The following SREK1IP1 variants were observed in gnomAD, a reference collection of about 807,000 sequenced individuals.
SREK1IP1 encodes protein SREK1IP1.
Under a neutral mutation model 22.8 loss-of-function variants are expected in SREK1IP1, and 12 were observed. The observed-to-expected ratio is 0.53, with a 90% CI of 0.34 to 0.85. SREK1IP1 has a LOEUF of 0.85. Ranked by LOEUF, SREK1IP1 falls within the 40% of genes least tolerant of loss-of-function variation. The pLI, the probability that SREK1IP1 is intolerant of heterozygous loss-of-function variation, is 0.02. For missense variants in SREK1IP1, 147 were observed against 171.8 expected (o/e 0.86, Z 0.81); for synonymous variants, 53 against 52.7 (o/e 1.01, Z -0.02).
At position 64,722,379 on chromosome 5, in the gene SREK1IP1, T is replaced by G. The variant is rs1045796728; in HGVS notation, c.*2005A>C. The G allele has an allele frequency of 6.6e-6, 1 of 152,214 alleles. No homozygotes were observed. Among genetic ancestry groups the G allele is most frequent in the East Asian group, 1.9e-4 (1 of 5,200 alleles). 9.4% of individuals were successfully genotyped at this position (152,214 alleles called of 1,614,324 possible). A position where few individuals can be genotyped will look rare whatever the true frequency, so the allele number is the denominator to read the frequency against. ...TAAAACTTACAAGTAATTAACTATT[T>G]CACTACAATTACTATCATTTTTAAC... On this transcript the variant is annotated 3_prime_UTR_variant, in exon 5 of 5. Coordinates refer to ENST00000513458, the MANE Select transcript of SREK1IP1 (RefSeq NM_173829.4).
intron 1 of SREK1IP1, among the ~76,000 whole-genome samples, chr5:64,757,238 T>G (rs569107313): frequency 1.3e-5 from 2 of 152,238 alleles, no homozygotes; most frequent in South Asian, 2.1e-4. Context: ...CTCTACAAAT[T>G]CTTTGTTTTA....
At chr5:64,749,827 A>G (rs1365764771) in intron 2 of SREK1IP1, among the ~76,000 whole-genome samples, 1 of 151,952 alleles carries the variant, frequency 6.6e-6, no homozygotes, top group East Asian at 1.9e-4. Context: ...GTCTTTTTCG[A>G]TAGATTCTTA....
At chr5:64,747,228 C>T (rs1742653319) in intron 2 of SREK1IP1, among the ~76,000 whole-genome samples, 1 of 152,168 alleles carries the variant, frequency 6.6e-6, no homozygotes, top group Non-Finnish European at 1.5e-5. Context: ...TAAATTCAAT[C>T]TCTAGCTCCT....
rs938118408 is a variant in SREK1IP1, at chr5:64,723,363, T to C, written c.*1021A>G. On this transcript the variant is annotated 3_prime_UTR_variant, in exon 5 of 5. Coordinates refer to ENST00000513458, the MANE Select transcript of SREK1IP1 (RefSeq NM_173829.4). ...AGAGAGAAACATCCCAAACTGGTCA[T>C]TTATGAAAACGTTAAGTTCAGTGTG... 4.0e-5 allele frequency: 6 copies of C among 149,502 alleles called. No homozygotes were observed. Among genetic ancestry groups the C allele is most frequent in the Non-Finnish European group, 5.9e-5 (4 of 68,030 alleles). The allele number at this position is 149,502 out of a possible 1,614,324, so 9.3% of individuals were successfully genotyped here. A position where few individuals can be genotyped will look rare whatever the true frequency, so the allele number is the denominator to read the frequency against.
At chr5:64,727,454 C>CATATAT (rs10649215) in intron 4 of SREK1IP1, among the ~76,000 whole-genome samples, 1,733 of 140,992 alleles carry the variant, frequency 0.012, 46 homozygotes, top group African/African-American at 0.045. Context: ...CATCAGCCAC[C>CATATAT]ATATATATAT....
chr5:64,723,084 A>G lies in SREK1IP1; in HGVS notation c.*1300T>C, dbSNP rs1162743205. On this transcript the variant is annotated 3_prime_UTR_variant, in exon 5 of 5. Coordinates refer to ENST00000513458, the MANE Select transcript of SREK1IP1 (RefSeq NM_173829.4). ...GGTTGATGTTCGATGCTTCTACAAC[A>G]TAAGCATTTACTTTAGTGGACATAA... is the stretch of plus-strand genomic sequence containing the variant. 3.3e-5 allele frequency: 5 copies of G among 152,226 alleles called. No individual in the cohort carries two copies. The highest frequency in any genetic ancestry group is 1.5e-5 in the Non-Finnish European group (1 of 68,036). 9.4% of individuals were successfully genotyped at this position (152,226 alleles called of 1,614,324 possible).
chr5:64,751,741 C>A (rs1043706388), intron 2 of SREK1IP1, among the ~76,000 whole-genome samples: 2 of 152,156 alleles, frequency 1.3e-5, no homozygotes, highest in African/African-American at 2.4e-5. Context: ...TGATAAATTT[C>A]TTTACAAGTA....
rs923209288 is a variant in SREK1IP1 at position 64,723,690 on chromosome 5, C to A, written c.*694G>T. On this transcript the variant is annotated 3_prime_UTR_variant, in exon 5 of 5. Transcript: ENST00000513458. Reference sequence around the variant, plus strand: ...AACAGGCTGAACTAATCTCTTTATACAAGAAGTATTTTAATTATTACAAAA... The same window carrying A: ...AACAGGCTGAACTAATCTCTTTATAAAAGAAGTATTTTAATTATTACAAAA... 3.9e-5 allele frequency: 6 copies of A among 152,554 alleles called. No individual in the cohort carries two copies. The highest frequency in any genetic ancestry group is 3.3e-4 in the Admixed American group (5 of 15,264). The allele number at this position is 152,554 out of a possible 1,614,324, so 9.5% of individuals were successfully genotyped here. A position where few individuals can be genotyped will look rare whatever the true frequency, so the allele number is the denominator to read the frequency against.
intron 1 of SREK1IP1, among the ~76,000 whole-genome samples, chr5:64,765,276 G>A (rs988329307): frequency 3.3e-5 from 5 of 152,164 alleles, no homozygotes; most frequent in Non-Finnish European, 5.9e-5. Context: ...TATACACAAT[G>A]CTATGGAAAC....
At chr5:64,735,615 T>C (rs1230345299) in intron 3 of SREK1IP1, among the ~76,000 whole-genome samples, 1 of 152,122 alleles carries the variant, frequency 6.6e-6, no homozygotes, top group Non-Finnish European at 1.5e-5. Flanking sequence ...AAGTAATTTG[T>C]CCATTTTATC....
intron 2 of SREK1IP1, among the ~76,000 whole-genome samples, chr5:64,745,486 G>A (rs532568150): frequency 6.6e-6 from 1 of 152,148 alleles, no homozygotes; most frequent in East Asian, 1.9e-4. Flanking sequence ...CTACTCAGGA[G>A]GTTAAGGCAC....
chr5:64,725,889 A>T (rs2112084640), intron 4 of SREK1IP1, among the ~76,000 whole-genome samples: 1 of 125,174 alleles, frequency 8.0e-6, no homozygotes. Context: ...TCTGAGACAG[A>T]GTTTCACTCT....
chr5:64,724,179 C>G lies in SREK1IP1; in HGVS notation c.*205G>C. ...ATAGCTATACTTGGGGCATGGCTAT[C>G]AAGTAACAAGACTGATTTAATACTT... On this transcript the variant is annotated 3_prime_UTR_variant, in exon 5 of 5. Transcript: ENST00000513458. 2.3e-6 allele frequency: 1 copy of G among 429,156 alleles called. No individual in the cohort carries two copies. The highest frequency in any genetic ancestry group is 4.2e-6 in the Non-Finnish European group (1 of 238,272). 26.6% of individuals were successfully genotyped at this position (429,156 alleles called of 1,614,324 possible).
At chr5:64,755,470 T>C (rs1409674686) in intron 1 of SREK1IP1, among the ~76,000 whole-genome samples, 4 of 152,076 alleles carry the variant, frequency 2.6e-5, no homozygotes, top group Non-Finnish European at 5.9e-5. Flanking sequence ...GAAAACCAAA[T>C]ACCACATGTT....
At position 64,719,149 on chromosome 5, in the gene SREK1IP1, G is replaced by A. The variant is rs751951301; in HGVS notation, c.*5235C>T. The A allele has an allele frequency of 5.3e-5, 8 of 152,148 alleles. No individual in the cohort carries two copies. The highest frequency in any genetic ancestry group is 4.4e-5 in the Non-Finnish European group (3 of 68,030). 9.4% of individuals were successfully genotyped at this position (152,148 alleles called of 1,614,324 possible). The stretch of plus-strand genomic sequence containing the variant: ...ATCTGCACTAATATGGTAGCCACCA[G>A]TCACATGTGGCTACTGAACACTTAA... On this transcript the variant is annotated 3_prime_UTR_variant, in exon 5 of 5. Coordinates refer to ENST00000513458, the MANE Select transcript of SREK1IP1 (RefSeq NM_173829.4).
At position 64,743,786 on chromosome 5, in the gene SREK1IP1, T is replaced by C. The variant is rs367639416; in HGVS notation, c.62-2586A>G. Among the ~76,000 whole-genome samples, 91 of 152,324 alleles carry C rather than the reference T, an allele frequency of 6.0e-4. 1 individual carries two copies. The East Asian group carries it at 8.5e-3, about 14-fold the overall frequency. On this transcript the variant is annotated intron_variant, in intron 2 of 4. Coordinates refer to ENST00000513458, the MANE Select transcript of SREK1IP1 (RefSeq NM_173829.4). Reference sequence around the variant, plus strand: ...TTTATTGTTCGTGAGTTTCCACTTATCACCAGTAGTGCTTTTGCCTCAAAA... The same window carrying C: ...TTTATTGTTCGTGAGTTTCCACTTACCACCAGTAGTGCTTTTGCCTCAAAA...
At chr5:64,739,824 T>C (rs530870353) in intron 3 of SREK1IP1, among the ~76,000 whole-genome samples, 1 of 152,210 alleles carries the variant, frequency 6.6e-6, no homozygotes, top group South Asian at 2.1e-4. Context: ...TCCCTCTTTT[T>C]CCTTTTCAGC....
rs1015929362 is a variant in SREK1IP1 at position 64,719,551 on chromosome 5, C to T, written c.*4833G>A. 4 of 152,072 alleles carry T rather than the reference C, an allele frequency of 2.6e-5. No individual in the cohort carries two copies. Among genetic ancestry groups the T allele is most frequent in the Non-Finnish European group, 5.9e-5 (4 of 68,014 alleles). The allele number at this position is 152,072 out of a possible 1,614,324, so 9.4% of individuals were successfully genotyped here. On this transcript the variant is annotated 3_prime_UTR_variant, in exon 5 of 5. Coordinates refer to ENST00000513458, the MANE Select transcript of SREK1IP1 (RefSeq NM_173829.4). ...TCTTTACAGTAATTTAATAATATTACCATATTGTCTCAGGTGAAAATCTAG... is the reference window on the plus strand; with the variant it reads ...TCTTTACAGTAATTTAATAATATTATCATATTGTCTCAGGTGAAAATCTAG...
Position 64,724,312 on chromosome 5 carries a change from C to A in SREK1IP1, c.*72G>T. 1 of 1,350,112 alleles carries A rather than the reference C, an allele frequency of 7.4e-7. No homozygotes were observed. The allele number at this position is 1,350,112 out of a possible 1,614,324, so 83.6% of individuals were successfully genotyped here. A position where few individuals can be genotyped will look rare whatever the true frequency, so the allele number is the denominator to read the frequency against. On this transcript the variant is annotated 3_prime_UTR_variant, in exon 5 of 5. Transcript: ENST00000513458. ...ATTTATTGCAAAGCATAATATATAGCAAATTCCAAGGAAGGGCAAACACGT... is the reference window on the plus strand; with the variant it reads ...ATTTATTGCAAAGCATAATATATAGAAAATTCCAAGGAAGGGCAAACACGT...
Sources: gnomAD v4.1 joint callset for allele counts (sites outside exome capture counted in the v4.1 genomes callset) on GRCh38, gnomAD v4.1.1 for gene constraint, MANE v1.5 for transcripts, NCBI Gene and HGNC (gene_info 2026-07-23, HGNC 2026-07-21) for gene names.